RIPOR2: variants seen among roughly 807,000 people sequenced by gnomAD.
The protein encoded by RIPOR2 is RHO family interacting cell polarization regulator 2, also known as rho family-interacting cell polarization regulator 2.
A neutral mutation model predicts 114.5 loss-of-function variants in RIPOR2; 39 were observed. The observed-to-expected ratio is 0.34, with a 90% CI of 0.26 to 0.44. The LOEUF is 0.44. Ranked by LOEUF, RIPOR2 falls within the 20% of genes least tolerant of loss-of-function variation. The probability of loss-of-function intolerance (pLI) is 1.00; values close to 1 mark genes in which losing one functional copy is unlikely to be tolerated. For missense variants in RIPOR2, 1,007 were observed against 1,255.1 expected (o/e 0.80, Z 2.99); for synonymous variants, 445 against 484.4 (o/e 0.92, Z 1.07).
chr6:24,954,628 TG>T (rs1772947001), intron 1 of RIPOR2, among the ~76,000 whole-genome samples: 2 of 151,886 alleles, frequency 1.3e-5, no homozygotes, highest in Non-Finnish European at 2.9e-5. Flanking sequence ...GCAAATTTTT[TG>T]TAGAGACAAT....
rs1780678977 is a variant in RIPOR2, at chr6:24,804,802, A to G, written c.*1571T>C. On this transcript the variant is annotated 3_prime_UTR_variant, in exon 22 of 22. Coordinates refer to ENST00000643898, the MANE Select transcript of RIPOR2 (RefSeq NM_001286445.3). ...GTTGATATTCCACAGTTTAAATTAC[A>G]CTCACATATATTGTTTTGATACCTT... is the stretch of plus-strand genomic sequence containing the variant. 1.3e-5 allele frequency: 2 copies of G among 152,190 alleles called. No individual in the cohort carries two copies. The highest frequency in any genetic ancestry group is 4.1e-4 in the South Asian group (2 of 4,830). 9.4% of individuals were successfully genotyped at this position (152,190 alleles called of 1,614,324 possible). A position where few individuals can be genotyped will look rare whatever the true frequency, so the allele number is the denominator to read the frequency against.
chr6:24,835,636 A>C, intron 15 of RIPOR2, 67 bp downstream of exon 15: 1 of 1,469,026 alleles, frequency 6.8e-7, no homozygotes, highest in Non-Finnish European at 9.3e-7. Context: ...ACACTAAAAA[A>C]TGAAAGCACA....
chr6:24,963,231 C>A (rs1390584708), intron 1 of RIPOR2, among the ~76,000 whole-genome samples: 1 of 152,142 alleles, frequency 6.6e-6, no homozygotes, highest in East Asian at 1.9e-4. Context: ...CGGGGTTTCA[C>A]CATGTTGGCC....
intron 1 of RIPOR2, among the ~76,000 whole-genome samples, chr6:24,909,570 T>A (rs1279823051): frequency 6.6e-6 from 1 of 151,886 alleles, no homozygotes; most frequent in African/African-American, 2.4e-5. Context: ...AGGGAAGAAA[T>A]GATTGTGTGT....
intron 1 of RIPOR2, among the ~76,000 whole-genome samples, chr6:24,880,973 G>C (rs1347132226): frequency 6.6e-6 from 1 of 152,230 alleles, no homozygotes; most frequent in Non-Finnish European, 1.5e-5. Flanking sequence ...GCCAGGTGCA[G>C]TGGCTCACGC....
At chr6:24,994,803 A>G (rs1181983347) in intron 1 of RIPOR2, among the ~76,000 whole-genome samples, 3 of 152,192 alleles carry the variant, frequency 2.0e-5, no homozygotes, top group Non-Finnish European at 4.4e-5. Flanking sequence ...AATTTGGTCT[A>G]CACTTGCCCC....
At chr6:24,972,932 G>A (rs1773852465) in intron 1 of RIPOR2, among the ~76,000 whole-genome samples, 1 of 152,212 alleles carries the variant, frequency 6.6e-6, no homozygotes, top group African/African-American at 2.4e-5. Flanking sequence ...GAAAACGTCT[G>A]TTAATGTGAA....
At chr6:24,890,444 A>C (rs1257956769) in intron 1 of RIPOR2, among the ~76,000 whole-genome samples, 2 of 152,222 alleles carry the variant, frequency 1.3e-5, no homozygotes, top group Non-Finnish European at 2.9e-5. Flanking sequence ...TGGAAACTAA[A>C]TAATGTGTAC....
At chr6:24,950,205 GC>G (rs1772676818) in intron 1 of RIPOR2, among the ~76,000 whole-genome samples, 2 of 152,144 alleles carry the variant, frequency 1.3e-5, no homozygotes, top group East Asian at 1.9e-4. Flanking sequence ...AAAACTTTAT[GC>G]AAAAGTAATA....
At chr6:25,024,733 A>C (rs1581972406) in intron 1 of RIPOR2, among the ~76,000 whole-genome samples, 1 of 152,198 alleles carries the variant, frequency 6.6e-6, no homozygotes, top group South Asian at 2.1e-4. Context: ...TGTTTCTCCT[A>C]ACTTGTAACT....
In RIPOR2 at chr6:24,830,518, C is replaced by T. The variant is rs916776041; in HGVS notation, c.2497G>A (p.Ala833Thr). The change falls in exon 17 of 22, where the codon GCA becomes ACA. Residue 833 changes from alanine to threonine, a missense_variant. Ala to Thr is a moderately conservative substitution (Grantham distance 58). Transcript: ENST00000643898. Reference sequence around the variant, plus strand: ...TACTGCTGCCTCATACCTGGGTCTGCAAGTCCTGGATATTCTTTGTTGACA... The same window carrying T: ...TACTGCTGCCTCATACCTGGGTCTGTAAGTCCTGGATATTCTTTGTTGACA... ...RTVNKEYPGL[A>T]DPVFRTLVSQ... The T allele has an allele frequency of 4.5e-6, 7 of 1,550,294 alleles. No homozygotes were observed. Among genetic ancestry groups the T allele is most frequent in the Middle Eastern group, 1.9e-4 (1 of 5,394 alleles).
chr6:24,841,554 A>G (rs965820272), intron 13 of RIPOR2, among the ~76,000 whole-genome samples: 1 of 152,172 alleles, frequency 6.6e-6, no homozygotes, highest in Admixed American at 6.5e-5. Context: ...AAGATGGTCA[A>G]AAAGCCTTGG....
intron 1 of RIPOR2, among the ~76,000 whole-genome samples, chr6:24,928,474 G>T (rs979523853): frequency 6.6e-6 from 1 of 152,102 alleles, no homozygotes; most frequent in Admixed American, 6.6e-5. Flanking sequence ...ATACTCAAAG[G>T]CTCAGCCAGC....
At chr6:24,854,013 A>G (rs889063479) in intron 8 of RIPOR2, among the ~76,000 whole-genome samples, 11 of 151,826 alleles carry the variant, frequency 7.2e-5, no homozygotes, top group Non-Finnish European at 7.4e-5. Flanking sequence ...CCAGCTGCTC[A>G]GAGGCTGAGG....
At chr6:24,916,044 T>C (rs937600617) in intron 1 of RIPOR2, among the ~76,000 whole-genome samples, 1 of 152,242 alleles carries the variant, frequency 6.6e-6, no homozygotes, top group African/African-American at 2.4e-5. Flanking sequence ...CTCAGTGGCC[T>C]TTGTGGACCT....
chr6:24,863,814 T>C (rs1194954247), intron 7 of RIPOR2, among the ~76,000 whole-genome samples: 1 of 152,194 alleles, frequency 6.6e-6, no homozygotes, highest in Non-Finnish European at 1.5e-5. Flanking sequence ...TTCATTACTT[T>C]GATGTTTCAG....
At chr6:25,041,933 A>C in exon 1 of RIPOR2, 2 of 702,472 alleles carry the variant, frequency 2.8e-6, no homozygotes, top group Non-Finnish European at 5.2e-6. Flanking sequence ...CCATGGTCCC[A>C]ACAGAGCGGC....
chr6:24,917,287 A>G (rs1429176558), intron 1 of RIPOR2, among the ~76,000 whole-genome samples: 2 of 152,214 alleles, frequency 1.3e-5, no homozygotes, highest in Non-Finnish European at 2.9e-5. Flanking sequence ...TCTTTAGTTC[A>G]CATTTTGAGA....
At chr6:24,953,302 C>T (rs1035974354) in intron 1 of RIPOR2, among the ~76,000 whole-genome samples, 2 of 150,548 alleles carry the variant, frequency 1.3e-5, no homozygotes, top group South Asian at 4.2e-4. Flanking sequence ...CATTGAATTG[C>T]AGCCTGGGCA....
Sources: gnomAD v4.1 joint callset for allele counts (sites outside exome capture counted in the v4.1 genomes callset) on GRCh38, gnomAD v4.1.1 for gene constraint, MANE v1.5 for transcripts, NCBI Gene and HGNC (gene_info 2026-07-23, HGNC 2026-07-21) for gene names.